CNTN4: variants seen among roughly 807,000 people sequenced by gnomAD.
CNTN4 encodes contactin 4, also known as contactin-4.
Under a neutral mutation model 122.5 loss-of-function variants are expected in CNTN4, and 77 were observed. The observed-to-expected ratio is 0.63, with a 90% confidence interval of 0.52 to 0.76. The LOEUF is 0.76. CNTN4 is among the 30% of genes least tolerant of loss of function. The pLI is 0.00. For synonymous variants in CNTN4, 512 were observed against 447.0 expected, an observed-to-expected ratio of 1.15 and a Z score of -1.83; for missense variants, 1,256 against 1,259.1, an observed-to-expected ratio of 1.00 and a Z score of 0.04.
chr3:2,672,421 G>A (rs2084581866), intron 4 of CNTN4, among the ~76,000 whole-genome samples: 1 of 152,180 alleles, frequency 6.6e-6, no homozygotes, highest in Admixed American at 6.5e-5. Flanking sequence ...GCCATGCGCG[G>A]GATATAATCT....
intron 3 of CNTN4, among the ~76,000 whole-genome samples, chr3:2,529,728 T>A (rs1026400359): frequency 7.2e-5 from 11 of 152,262 alleles, no homozygotes; most frequent in African/African-American, 2.2e-4. Flanking sequence ...GCCTTGATCG[T>A]CTTTACTCTT....
chr3:2,460,575 C>G (rs1489712501), intron 3 of CNTN4, among the ~76,000 whole-genome samples: 1 of 152,154 alleles, frequency 6.6e-6, no homozygotes, highest in African/African-American at 2.4e-5. Flanking sequence ...ATCCTCTTCA[C>G]TTCCTTGATG....
chr3:2,113,862 A>G (rs1485780010), intron 2 of CNTN4, among the ~76,000 whole-genome samples: 1 of 152,192 alleles, frequency 6.6e-6, no homozygotes, highest in African/African-American at 2.4e-5. Context: ...ATTCTTCCTT[A>G]TGCTGAAGAT....
At chr3:2,538,119 G>T (rs1489882743) in intron 3 of CNTN4, among the ~76,000 whole-genome samples, 1 of 152,056 alleles carries the variant, frequency 6.6e-6, no homozygotes, top group Admixed American at 6.6e-5. Context: ...TTATAAAAGG[G>T]GGAAATTTGG....
At chr3:2,655,057 C>T (rs1194239686) in intron 4 of CNTN4, among the ~76,000 whole-genome samples, 1 of 152,160 alleles carries the variant, frequency 6.6e-6, no homozygotes, top group Non-Finnish European at 1.5e-5. Flanking sequence ...TTTTGTCTCT[C>T]TAAGGTGCAG....
rs190517875 is a variant in CNTN4 at position 2,816,171 on chromosome 3, G to A, written c.359-3315G>A. On this transcript the variant is annotated intron_variant, in intron 6 of 24. Transcript: ENST00000418658. ...AGATCGAGACCATCCTGGCTAACAC[G>A]GTGAAACCCCGTCTCTACTAAAAAT... Among the ~76,000 whole-genome samples, 468 of 151,522 alleles carry A rather than the reference G, an allele frequency of 3.1e-3. 1 individual carries two copies. The highest frequency in any genetic ancestry group is 6.8e-3 in the Middle Eastern group (2 of 292).
chr3:2,382,674 A>T (rs1005208994), intron 3 of CNTN4, among the ~76,000 whole-genome samples: 1 of 152,230 alleles, frequency 6.6e-6, no homozygotes, highest in African/African-American at 2.4e-5. Context: ...TTGCTTCCAG[A>T]TTAGACAATA....
chr3:2,247,511 A>G (rs1485606065), intron 2 of CNTN4, among the ~76,000 whole-genome samples: 1 of 152,022 alleles, frequency 6.6e-6, no homozygotes, highest in Non-Finnish European at 1.5e-5. Flanking sequence ...TCAGTTTTAC[A>G]GGGAAAATTG....
intron 2 of CNTN4, among the ~76,000 whole-genome samples, chr3:2,192,568 A>G (rs923289732): frequency 1.3e-5 from 2 of 152,258 alleles, no homozygotes; most frequent in African/African-American, 4.8e-5. Context: ...AGAATCTACA[A>G]AGAACTCAAA....
chr3:2,511,661 A>T (rs1410932636), intron 3 of CNTN4: 1 of 152,266 alleles, frequency 6.6e-6, no homozygotes, highest in Non-Finnish European at 1.5e-5. Context: ...TTGCTGTAAC[A>T]TGTAAAGCGA....
intron 2 of CNTN4, among the ~76,000 whole-genome samples, chr3:2,269,158 C>G (rs561041124): frequency 1.4e-3 from 210 of 152,206 alleles, no homozygotes; most frequent in Non-Finnish European, 2.6e-3. Context: ...GTGTACCCTT[C>G]AAAGGAGAGC....
chr3:2,372,035 AATC>A (rs757784809), intron 3 of CNTN4, among the ~76,000 whole-genome samples: 6 of 152,372 alleles, frequency 3.9e-5, no homozygotes, highest in Non-Finnish European at 5.9e-5. Context: ...TTAAATAAAC[AATC>A]ATCATATTTT....
At chr3:2,145,822 C>T (rs1298082085) in intron 2 of CNTN4, among the ~76,000 whole-genome samples, 1 of 152,044 alleles carries the variant, frequency 6.6e-6, no homozygotes. Context: ...ATTATTCCCA[C>T]TTTTAATATG....
intron 3 of CNTN4, among the ~76,000 whole-genome samples, chr3:2,353,756 G>A (rs540755645): frequency 3.9e-5 from 6 of 152,236 alleles, no homozygotes; most frequent in East Asian, 1.9e-4. Context: ...AAAATTAGCC[G>A]GGTGTGGTGG....
intron 2 of CNTN4, among the ~76,000 whole-genome samples, chr3:2,193,310 C>T (rs1344225445): frequency 1.7e-4 from 25 of 151,388 alleles, no homozygotes. Context: ...CCTCATTACT[C>T]TTCTATTAAA....
At chr3:2,268,759 A>G (rs1227239744) in intron 2 of CNTN4, among the ~76,000 whole-genome samples, 1 of 152,156 alleles carries the variant, frequency 6.6e-6, no homozygotes, top group Non-Finnish European at 1.5e-5. Flanking sequence ...CAACTCCCTT[A>G]CGTTCTTTAT....
chr3:2,561,301 A>T (rs1442457751), intron 3 of CNTN4, among the ~76,000 whole-genome samples: 2 of 152,198 alleles, frequency 1.3e-5, no homozygotes, highest in Non-Finnish European at 2.9e-5. Flanking sequence ...AGCGAGCAGA[A>T]GGAAAACAAA....
chr3:2,197,066 A>AG (rs61356452), intron 2 of CNTN4, among the ~76,000 whole-genome samples: 1,945 of 148,820 alleles, frequency 0.013, 44 homozygotes, highest in African/African-American at 0.046. Flanking sequence ...AAAAAAAAAA[A>AG]AAAAGAAGAA....
chr3:2,775,507 C>T (rs1024239814), intron 6 of CNTN4, among the ~76,000 whole-genome samples: 2 of 152,142 alleles, frequency 1.3e-5, no homozygotes, highest in African/African-American at 4.8e-5. Flanking sequence ...GCAACCTCTG[C>T]CTCCCAAGTT....
Sources: gnomAD v4.1 joint callset for allele counts (sites outside exome capture counted in the v4.1 genomes callset) on GRCh38, gnomAD v4.1.1 for gene constraint, MANE v1.5 for transcripts, NCBI Gene and HGNC (gene_info 2026-07-23, HGNC 2026-07-21) for gene names.